The following PTPRS variants were observed in gnomAD, a reference collection of about 807,000 sequenced individuals.
PTPRS encodes the protein receptor-type tyrosine-protein phosphatase S.
A neutral mutation model predicts 215.3 loss-of-function variants in PTPRS; 63 were observed. The observed-to-expected ratio is 0.29, with a 90% CI of 0.24 to 0.36. The LOEUF is 0.36. Ranked by LOEUF, PTPRS falls within the 10% of genes least tolerant of loss-of-function variation. The pLI is 1.00. For missense variants in PTPRS, 2,258 were observed against 2,825.8 expected, an observed-to-expected ratio of 0.80 and a Z score of 4.56; for synonymous variants, 1,404 against 1,191.4, an observed-to-expected ratio of 1.18 and a Z score of -3.68.
intron 26 of PTPRS, 100 bp from the exon 27 acceptor site, chr19:5,215,695 G>C: frequency 1.2e-6 from 1 of 862,682 alleles, no homozygotes; most frequent in Non-Finnish European, 1.8e-6. Flanking sequence ...CGATGGGTGA[G>C]CTGTGGTTAG....
chr19:5,240,376 C>A lies in PTPRS; in HGVS notation c.1571-44G>T, dbSNP rs550701812. ...ACAACTAGGAGTCGGGGAGCGTCCA[C>A]CCCACAAAGGGGGCCCCACCTGCTG... On this transcript the variant is annotated intron_variant, in intron 11 of 37. Coordinates refer to ENST00000262963, the MANE Select transcript of PTPRS (RefSeq NM_002850.4). 2.1e-4 allele frequency: 327 copies of A among 1,529,870 alleles called. 6 individuals are homozygous for A. In the South Asian group the frequency reaches 3.8e-3, roughly 18 times the overall value. The allele number at this position is 1,529,870 out of a possible 1,614,324, so 94.8% of individuals were successfully genotyped here. A position where few individuals can be genotyped will look rare whatever the true frequency, so the allele number is the denominator to read the frequency against.
chr19:5,260,844 C>G (rs764298763), intron 6 of PTPRS, 22 bp from the exon 7 acceptor site: 1 of 1,609,922 alleles, frequency 6.2e-7, no homozygotes, highest in Admixed American at 1.7e-5. Context: ...GCAGAGAGAA[C>G]CAGGTGAATG....
Position 5,293,539 on chromosome 19 carries a change from A to G in PTPRS, c.-94-7305T>C, listed in dbSNP as rs543040021. Reference sequence around the variant, plus strand: ...AAGACGTCTCACGGGGAGCCTCTACACTGCTCCTCGCTTCCCCAGCTCTGA... The same window carrying G: ...AAGACGTCTCACGGGGAGCCTCTACGCTGCTCCTCGCTTCCCCAGCTCTGA... On this transcript the variant is annotated intron_variant, in intron 1 of 37. Coordinates refer to ENST00000262963, the MANE Select transcript of PTPRS (RefSeq NM_002850.4). The surrounding 1 kb of genome is among the most constrained non-coding windows in gnomAD (Gnocchi z 8.4). 1.3e-5 allele frequency among the ~76,000 whole-genome samples: 2 copies of G among 152,216 alleles called. No individual in the cohort carries two copies. The highest frequency in any genetic ancestry group is 4.1e-4 in the South Asian group (2 of 4,830).
Position 5,240,307 on chromosome 19 carries a change from C to T in PTPRS, c.1596G>A (p.Arg532=), listed in dbSNP as rs765319749. 3.1e-6 allele frequency: 5 copies of T among 1,604,332 alleles called. No individual in the cohort carries two copies. The Admixed American group carries it at 8.5e-5, about 27-fold the overall frequency. The change falls in exon 12 of 38, where the codon CGG becomes CGA. Residue 532 remains arginine (R), a synonymous_variant. Coordinates refer to ENST00000262963, the MANE Select transcript of PTPRS (RefSeq NM_002850.4). ...QGVPGQPMNL[R]AEARSETSIT... The stretch of plus-strand genomic sequence containing the variant: ...TGCTGGTCTCCGACCTGGCCTCGGC[C>T]CGCAGGTTCATGGGCTGGCCCGGCA...
chr19:5,214,693 G>A lies in PTPRS; in HGVS notation c.4362C>T (p.Gly1454=). The A allele has an allele frequency of 1.2e-6, 2 of 1,612,432 alleles. No individual in the cohort carries two copies. Among genetic ancestry groups the A allele is most frequent in the Non-Finnish European group, 8.5e-7 (1 of 1,179,482 alleles). Reference sequence around the variant, plus strand: ...CAATGTACGCGTTCTGACACCGGTAGCCGTCCACGTAGTTGGCATTGATGT... The same window carrying A: ...CAATGTACGCGTTCTGACACCGGTAACCGTCCACGTAGTTGGCATTGATGT... ...SDYINANYVD[G]YRCQNAYIAT... is the part of the protein sequence containing the mutation. Residue 1454 remains glycine (G), a synonymous_variant, in exon 29 of 38, where the codon GGC becomes GGT. Coordinates refer to ENST00000262963, the MANE Select transcript of PTPRS (RefSeq NM_002850.4).
At chr19:5,321,681 C>A (rs1251304655) in intron 1 of PTPRS, among the ~76,000 whole-genome samples, 1 of 152,206 alleles carries the variant, frequency 6.6e-6, no homozygotes, top group Non-Finnish European at 1.5e-5. Context: ...TTTGCCCAAG[C>A]CCTGAGATGT....
chr19:5,229,485 G>GC lies in PTPRS; in HGVS notation c.2349+5dup. 1 of 1,287,088 alleles carries GC rather than the reference G, an allele frequency of 7.8e-7. No individual in the cohort carries two copies. The highest frequency in any genetic ancestry group is 1.0e-6 in the Non-Finnish European group (1 of 974,574). The allele number at this position is 1,287,088 out of a possible 1,614,324, so 79.7% of individuals were successfully genotyped here. A position where few individuals can be genotyped will look rare whatever the true frequency, so the allele number is the denominator to read the frequency against. Reference sequence around the variant, plus strand: ...GTCCCCGGCCCCGCCCCGGCCCCCCGCCCACCTGGGCATCGGCCAGCATGA... The same window carrying GC: ...GTCCCCGGCCCCGCCCCGGCCCCCCGCCCCACCTGGGCATCGGCCAGCATGA... On this transcript the variant is annotated splice_donor_region_variant and intron_variant, in intron 15 of 37. Transcript: ENST00000262963.
intron 1 of PTPRS, among the ~76,000 whole-genome samples, chr19:5,309,052 G>A (rs1306012631): frequency 6.6e-6 from 1 of 152,174 alleles, no homozygotes; most frequent in Non-Finnish European, 1.5e-5. Flanking sequence ...TGGGCTCAGA[G>A]TGTGTGGAGG....
At chr19:5,229,438 GGCCCGTCCCCGCCCGGA>G (rs1158177484) in intron 15 of PTPRS, 36 bp downstream of exon 15, 120 of 1,369,712 alleles carry the variant, frequency 8.8e-5, no homozygotes, top group South Asian at 2.9e-4. Context: ...GGAGCGCAAG[GGCCCGTCCCCGCCCGGA>G]GCCCGTCCCC....
intron 1 of PTPRS, among the ~76,000 whole-genome samples, chr19:5,297,238 G>A (rs772386812): frequency 6.6e-6 from 1 of 152,202 alleles, no homozygotes; most frequent in Non-Finnish European, 1.5e-5. Context: ...CAGCTGGGAC[G>A]TTGGGGGGTA....
At chr19:5,300,454 A>G (rs75211493) in intron 1 of PTPRS, among the ~76,000 whole-genome samples, 9,020 of 151,922 alleles carry the variant, frequency 0.059, 391 homozygotes, top group Non-Finnish European at 0.097. Context: ...AGTACACAGT[A>G]TATGCTCAAT....
At chr19:5,322,898 A>AAAAAAAAG (rs775619490) in intron 1 of PTPRS, among the ~76,000 whole-genome samples, 203 of 120,220 alleles carry the variant, frequency 1.7e-3, no homozygotes, top group Middle Eastern at 4.9e-3. Context: ...AAAAAAAAAA[A>AAAAAAAAG]AAGAAGAAGA....
At chr19:5,334,756 T>C (rs1376500630) in intron 1 of PTPRS, among the ~76,000 whole-genome samples, 1 of 152,172 alleles carries the variant, frequency 6.6e-6, no homozygotes, top group Non-Finnish European at 1.5e-5. Context: ...AGCCAACAGC[T>C]TGTGGGCTGT....
At position 5,206,483 on chromosome 19, in the gene PTPRS, C is replaced by T; in HGVS notation, c.*291G>A. ...TGGTTCTGGGGAGCACTCCTATTTG[C>T]TCACCATCCCCCCACCCCCCACCCC... On this transcript the variant is annotated 3_prime_UTR_variant, in exon 38 of 38. Transcript: ENST00000262963. 1 of 419,978 alleles carries T rather than the reference C, an allele frequency of 2.4e-6. No homozygotes were observed. The highest frequency in any genetic ancestry group is 4.5e-6 in the Non-Finnish European group (1 of 224,624). The allele number at this position is 419,978 out of a possible 1,614,324, so 26.0% of individuals were successfully genotyped here.
At chr19:5,219,284 C>A (rs2041764974) in intron 23 of PTPRS, 26 bp downstream of exon 23, 2 of 1,613,300 alleles carry the variant, frequency 1.2e-6, no homozygotes, top group South Asian at 2.2e-5. Flanking sequence ...GCTGTCAAGT[C>A]AAGTCGGGGA....
At position 5,295,315 on chromosome 19, in the gene PTPRS, G is replaced by A. The variant is rs1156918247; in HGVS notation, c.-94-9081C>T. On this transcript the variant is annotated intron_variant, in intron 1 of 37. Coordinates refer to ENST00000262963, the MANE Select transcript of PTPRS (RefSeq NM_002850.4). This position sits in a 1 kb window ranked among gnomAD's most constrained non-coding sequence, Gnocchi z 4.6. ...CCAGGACTCGGGACGGCAGACAAGG[G>A]CTTGCCAGCCGCTTCCCAGCCAGTC... 6.6e-6 allele frequency among the ~76,000 whole-genome samples: 1 copy of A among 152,230 alleles called. No homozygotes were observed.
chr19:5,225,894 C>T, intron 16 of PTPRS, 50 bp from the exon 17 acceptor site: 1 of 1,423,834 alleles, frequency 7.0e-7, no homozygotes, highest in Non-Finnish European at 9.9e-7. Context: ...GGGAGCAGCC[C>T]CACCCACCCC....
chr19:5,255,838 G>A (rs2045509173), intron 9 of PTPRS, among the ~76,000 whole-genome samples: 1 of 152,256 alleles, frequency 6.6e-6, no homozygotes, highest in South Asian at 2.1e-4. Flanking sequence ...CATCGCATGT[G>A]TGCGGCCGGC....
chr19:5,225,930 G>A (rs2042451785), intron 16 of PTPRS, 86 bp from the exon 17 acceptor site: 2 of 1,088,474 alleles, frequency 1.8e-6, no homozygotes, highest in Non-Finnish European at 2.8e-6. Flanking sequence ...GAACAAGCAA[G>A]GAGGATGCAG....
Sources: gnomAD v4.1 joint callset for allele counts (sites outside exome capture counted in the v4.1 genomes callset) on GRCh38, gnomAD v4.1.1 for gene constraint, Gnocchi (gnomAD v3.1) non-coding constraint, MANE v1.5 for transcripts, NCBI Gene and HGNC (gene_info 2026-07-23, HGNC 2026-07-21) for gene names.